The following MBD5 variants were observed in gnomAD, a reference collection of about 807,000 sequenced individuals.
MBD5 encodes the protein methyl-CpG-binding domain protein 5.
A neutral mutation model predicts 117.3 loss-of-function variants in MBD5; 13 were observed. The observed-to-expected ratio is 0.11, with a 90% CI of 0.07 to 0.18. MBD5 has a LOEUF of 0.18. Among genes scored for constraint, MBD5 ranks in the 10% least tolerant of loss-of-function variants. The pLI, the probability that MBD5 is intolerant of heterozygous loss-of-function variation, is 1.00. For missense variants in MBD5, 1,879 were observed against 2,093.8 expected (o/e 0.90, Z 2.00); for synonymous variants, 727 against 766.4 (o/e 0.95, Z 0.85).
intron 1 of MBD5, among the ~76,000 whole-genome samples, chr2:148,058,941 T>C (rs1356459735): frequency 3.9e-5 from 6 of 152,172 alleles, no homozygotes; most frequent in African/African-American, 1.2e-4. Flanking sequence ...TAAATTGTCA[T>C]TGGAACACAA....
At chr2:148,378,751 A>T (rs923884811) in intron 4 of MBD5, among the ~76,000 whole-genome samples, 1 of 152,054 alleles carries the variant, frequency 6.6e-6, no homozygotes, top group Non-Finnish European at 1.5e-5. Flanking sequence ...TTCACTCAGA[A>T]TTTGGTATAG....
At chr2:148,334,805 G>A (rs1702745620) in intron 3 of MBD5, among the ~76,000 whole-genome samples, 1 of 152,042 alleles carries the variant, frequency 6.6e-6, no homozygotes, top group Non-Finnish European at 1.5e-5. Flanking sequence ...TTGGATTTGA[G>A]GCAAATATCT....
intron 4 of MBD5, among the ~76,000 whole-genome samples, chr2:148,355,811 G>A (rs186776880): frequency 2.0e-5 from 3 of 152,250 alleles, no homozygotes; most frequent in African/African-American, 7.2e-5. Flanking sequence ...TTCTAATTCT[G>A]TGAAGAAAGT....
chr2:148,088,248 G>A (rs758162598), intron 1 of MBD5, among the ~76,000 whole-genome samples: 4 of 152,092 alleles, frequency 2.6e-5, no homozygotes, highest in Non-Finnish European at 4.4e-5. Flanking sequence ...TGTTATTCCT[G>A]AGGAAGAAGA....
At chr2:148,221,245 GA>G (rs1699678312) in intron 2 of MBD5, among the ~76,000 whole-genome samples, 1 of 152,106 alleles carries the variant, frequency 6.6e-6, no homozygotes, top group Non-Finnish European at 1.5e-5. Flanking sequence ...TGGGATTGCA[GA>G]TAACTCTTCG....
At position 148,459,302 on chromosome 2, in the gene MBD5, A is replaced by C. The variant is rs927457880; in HGVS notation, c.113+431A>C. On this transcript the variant is annotated intron_variant, in intron 5 of 13. Transcript: ENST00000642680. The stretch of plus-strand genomic sequence containing the variant: ...GACTTCTTAATGCCTCATGTTAACT[A>C]AAAATACATTTCTTTTTTTCTGCAT... 5.3e-5 allele frequency among the ~76,000 whole-genome samples: 8 copies of C among 152,146 alleles called. No individual in the cohort carries two copies. In the East Asian group the frequency reaches 1.5e-3, roughly 29 times the overall value.
At chr2:148,024,451 G>A (rs1213653011) in intron 1 of MBD5, among the ~76,000 whole-genome samples, 1 of 152,098 alleles carries the variant, frequency 6.6e-6, no homozygotes, top group Non-Finnish European at 1.5e-5. Flanking sequence ...AAACATTTTT[G>A]TTTTGTTAAC....
chr2:148,148,173 G>C (rs955936577), intron 1 of MBD5, among the ~76,000 whole-genome samples: 5 of 152,164 alleles, frequency 3.3e-5, no homozygotes, highest in Non-Finnish European at 5.9e-5. Flanking sequence ...CTGAAGTGAA[G>C]CCATGTCCTG....
intron 3 of MBD5, among the ~76,000 whole-genome samples, chr2:148,314,267 G>A (rs1702103267): frequency 6.6e-6 from 1 of 151,162 alleles, no homozygotes; most frequent in Non-Finnish European, 1.5e-5. Context: ...GTGGCAAAAG[G>A]AAATTTTTTT....
intron 1 of MBD5, among the ~76,000 whole-genome samples, chr2:148,142,324 A>G (rs1024116052): frequency 6.6e-6 from 1 of 152,238 alleles, no homozygotes; most frequent in Non-Finnish European, 1.5e-5. Flanking sequence ...CATAATGGAG[A>G]TAAAGAGAAG....
intron 12 of MBD5, among the ~76,000 whole-genome samples, chr2:148,506,054 T>A (rs757041222): frequency 1.2e-4 from 19 of 152,230 alleles, no homozygotes; most frequent in Non-Finnish European, 2.5e-4. Flanking sequence ...AAGAAAATTA[T>A]CTGTTATTTT....
At chr2:148,231,699 A>G (rs1699990865) in intron 2 of MBD5, among the ~76,000 whole-genome samples, 1 of 152,232 alleles carries the variant, frequency 6.6e-6, no homozygotes, top group African/African-American at 2.4e-5. Flanking sequence ...GGCTGTTAAC[A>G]TGTTTGACTT....
intron 3 of MBD5, among the ~76,000 whole-genome samples, chr2:148,334,910 A>T (rs912682636): frequency 6.6e-6 from 1 of 152,118 alleles, no homozygotes; most frequent in Admixed American, 6.6e-5. Flanking sequence ...ATTTCTGTTT[A>T]TGTATCCTAT....
intron 8 of MBD5, among the ~76,000 whole-genome samples, chr2:148,478,462 G>A (rs1045080263): frequency 6.6e-6 from 1 of 152,054 alleles, no homozygotes; most frequent in Non-Finnish European, 1.5e-5. Context: ...GGAGGCTGAG[G>A]CAGGAGAATC....
chr2:148,234,170 C>T (rs1462194769), intron 3 of MBD5, among the ~76,000 whole-genome samples: 2 of 151,888 alleles, frequency 1.3e-5, no homozygotes, highest in Non-Finnish European at 2.9e-5. Context: ...GAAAATAAAA[C>T]AAAATAAAAA....
chr2:148,101,459 C>A (rs1220866548), intron 1 of MBD5, among the ~76,000 whole-genome samples: 3 of 151,614 alleles, frequency 2.0e-5, no homozygotes, highest in African/African-American at 4.8e-5. Context: ...AAGACCCTGT[C>A]CCTAAAAGAA....
chr2:148,384,490 T>C (rs1704275474), intron 4 of MBD5, among the ~76,000 whole-genome samples: 1 of 152,216 alleles, frequency 6.6e-6, no homozygotes, highest in Non-Finnish European at 1.5e-5. Flanking sequence ...GAACATTCCA[T>C]GCTCATGGAT....
At chr2:148,037,845 C>G (rs1310960961) in intron 1 of MBD5, among the ~76,000 whole-genome samples, 2 of 151,856 alleles carry the variant, frequency 1.3e-5, no homozygotes, top group African/African-American at 2.4e-5. Context: ...CAGGCAAGGA[C>G]TATGGAGCTT....
chr2:148,081,345 A>G (rs1695642646), intron 1 of MBD5, among the ~76,000 whole-genome samples: 1 of 152,214 alleles, frequency 6.6e-6, no homozygotes, highest in Admixed American at 6.5e-5. Context: ...GTATTTGTTG[A>G]ATGAATGAAT....
Sources: allele counts gnomAD v4.1 joint callset (sites outside exome capture counted in the v4.1 genomes callset), GRCh38; gene constraint gnomAD v4.1.1; transcripts MANE v1.5; gene names NCBI Gene and HGNC (gene_info 2026-07-23, HGNC 2026-07-21).